The following PGCKA1 variants were observed in gnomAD, a reference collection of about 807,000 sequenced individuals.
PGCKA1 encodes PDCD10 and GCKIII kinases-associated protein 1.
the PGCKA1 span, among the ~76,000 whole-genome samples, chr4:37,578,467 C>CT: frequency 6.6e-6 from 1 of 152,004 alleles, no homozygotes. Context: ...TTCTAATAGG[C>CT]AACAGATCAT....
chr4:37,551,734 AG>A, the PGCKA1 span, among the ~76,000 whole-genome samples: 2 of 152,234 alleles, frequency 1.3e-5, no homozygotes, highest in African/African-American at 4.8e-5. Context: ...GGTGGTTCCC[AG>A]CACTAGAAAA....
the PGCKA1 span, among the ~76,000 whole-genome samples, chr4:37,511,571 C>T: frequency 8.9e-6 from 1 of 112,872 alleles, no homozygotes; most frequent in South Asian, 2.8e-4. Context: ...AGCTGCTATC[C>T]AAGATGCAAG....
At chr4:37,476,611 C>T in the PGCKA1 span, among the ~76,000 whole-genome samples, 1 of 152,128 alleles carries the variant, frequency 6.6e-6, no homozygotes, top group African/African-American at 2.4e-5. Flanking sequence ...ACTTCTTAAC[C>T]TCTGTGAGCC....
At chr4:37,529,424 G>C in the PGCKA1 span, among the ~76,000 whole-genome samples, 1 of 152,078 alleles carries the variant, frequency 6.6e-6, no homozygotes, top group Non-Finnish European at 1.5e-5. Context: ...TATATTTTAA[G>C]GTTAGGCTAA....
chr4:37,571,270 A>T, the PGCKA1 span, among the ~76,000 whole-genome samples: 2 of 151,708 alleles, frequency 1.3e-5, no homozygotes, highest in African/African-American at 4.8e-5. Context: ...CAGTATATAC[A>T]CAGGATGATG....
the PGCKA1 span, among the ~76,000 whole-genome samples, chr4:37,484,800 G>GT: frequency 6.6e-6 from 1 of 152,220 alleles, no homozygotes; most frequent in Non-Finnish European, 1.5e-5. Context: ...AAACCAGAGA[G>GT]TAAGAGCTCA....
chr4:37,536,463 CTGTCAGTCAGGG>C, the PGCKA1 span, among the ~76,000 whole-genome samples: 1 of 152,214 alleles, frequency 6.6e-6, no homozygotes, highest in African/African-American at 2.4e-5. Flanking sequence ...GTCAGTCAAG[CTGTCAGTCAGGG>C]CTGCAGTGAT....
At chr4:37,585,157 G>C in the PGCKA1 span, among the ~76,000 whole-genome samples, 1 of 97,038 alleles carries the variant, frequency 1.0e-5, no homozygotes, top group Non-Finnish European at 1.9e-5. Context: ...AGGGTCAGGA[G>C]GGGAGGGGAG....
the PGCKA1 span, among the ~76,000 whole-genome samples, chr4:37,539,884 TC>T: frequency 2.6e-5 from 4 of 152,178 alleles, no homozygotes; most frequent in Non-Finnish European, 4.4e-5. Flanking sequence ...TGTAAAATGA[TC>T]AAAACAGGGT....
the PGCKA1 span, among the ~76,000 whole-genome samples, chr4:37,454,271 G>A: frequency 6.8e-4 from 104 of 152,280 alleles, no homozygotes; most frequent in South Asian, 0.021. Context: ...AACTCGGGTG[G>A]GGGGAGGCGG....
chr4:37,567,710 G>A, the PGCKA1 span, among the ~76,000 whole-genome samples: 1 of 152,004 alleles, frequency 6.6e-6, no homozygotes, highest in Non-Finnish European at 1.5e-5. Flanking sequence ...CTCCCAGGGA[G>A]CACCCGGGTG....
At chr4:37,583,105 G>C in the PGCKA1 span, among the ~76,000 whole-genome samples, 1 of 152,168 alleles carries the variant, frequency 6.6e-6, no homozygotes, top group Non-Finnish European at 1.5e-5. Flanking sequence ...AAATGCTGTA[G>C]ATTAGTAATT....
chr4:37,533,481 C>T, the PGCKA1 span, among the ~76,000 whole-genome samples: 1 of 152,184 alleles, frequency 6.6e-6, no homozygotes, highest in Non-Finnish European at 1.5e-5. Flanking sequence ...TTTCCACAAA[C>T]TATGTTTCTG....
the PGCKA1 span, among the ~76,000 whole-genome samples, chr4:37,495,517 A>C: frequency 7.2e-5 from 11 of 152,242 alleles, no homozygotes; most frequent in African/African-American, 2.4e-4. Context: ...ACACCATGGA[A>C]TACTACGCAG....
At chr4:37,470,026 T>A in the PGCKA1 span, among the ~76,000 whole-genome samples, 1 of 152,232 alleles carries the variant, frequency 6.6e-6, no homozygotes, top group Non-Finnish European at 1.5e-5. Context: ...ATTCACTGAT[T>A]CAGTGATAAA....
At chr4:37,542,567 T>A in the PGCKA1 span, among the ~76,000 whole-genome samples, 5 of 152,036 alleles carry the variant, frequency 3.3e-5, no homozygotes, top group Non-Finnish European at 5.9e-5. Flanking sequence ...CTTTCTGTAA[T>A]GAGGAACATG....
At chr4:37,554,469 T>A in the PGCKA1 span, among the ~76,000 whole-genome samples, 1 of 152,264 alleles carries the variant, frequency 6.6e-6, no homozygotes, top group East Asian at 1.9e-4. Flanking sequence ...CTCCTCAGCC[T>A]CCTGAGTAGC....
At chr4:37,504,395 A>G in the PGCKA1 span, among the ~76,000 whole-genome samples, 2 of 152,070 alleles carry the variant, frequency 1.3e-5, no homozygotes, top group Admixed American at 1.3e-4. Context: ...TGCTCAGGAT[A>G]GCCTTGGCTA....
the PGCKA1 span, among the ~76,000 whole-genome samples, chr4:37,496,062 A>G: frequency 6.6e-6 from 1 of 152,124 alleles, no homozygotes; most frequent in Non-Finnish European, 1.5e-5. Context: ...CAACCATTCT[A>G]TAGATTGTCT....
Sources: gnomAD v4.1 joint callset for allele counts (sites outside exome capture counted in the v4.1 genomes callset) on GRCh38, gnomAD v4.1.1 for gene constraint, MANE v1.5 for transcripts, NCBI Gene and HGNC (gene_info 2026-07-23, HGNC 2026-07-21) for gene names.